Variants in DNAI3 observed in about 807,000 individuals in gnomAD.
DNAI3 encodes WD repeat domain 63.
A neutral mutation model predicts 115.5 loss-of-function variants in DNAI3; 83 were observed. The observed-to-expected ratio is 0.72, with a 90% CI of 0.60 to 0.86. The LOEUF (loss-of-function observed/expected upper bound fraction) is 0.86. Among genes scored for constraint, DNAI3 ranks in the 40% least tolerant of loss-of-function variants. The pLI, the probability that DNAI3 is intolerant of heterozygous loss-of-function variation, is 0.00. For missense variants in DNAI3, 1,004 were observed against 1,075.8 expected (o/e 0.93, Z 0.93); for synonymous variants, 320 against 347.0 (o/e 0.92, Z 0.86).
At chr1:85,100,194 A>C (rs1257041382) in intron 13 of DNAI3, among the ~76,000 whole-genome samples, 2 of 152,188 alleles carry the variant, frequency 1.3e-5, no homozygotes, top group South Asian at 2.1e-4. Context: ...CAACCTACAA[A>C]ATGGGAGAAA....
intron 13 of DNAI3, among the ~76,000 whole-genome samples, chr1:85,099,131 A>T (rs976469331): frequency 4.6e-5 from 7 of 152,186 alleles, no homozygotes; most frequent in Non-Finnish European, 7.3e-5. Context: ...CTGACTGCCC[A>T]GCTTCTGCAC....
chr1:85,066,966 C>T (rs910649909), intron 1 of DNAI3, among the ~76,000 whole-genome samples: 7 of 152,164 alleles, frequency 4.6e-5, no homozygotes, highest in South Asian at 4.1e-4. Context: ...CATTTGGTTT[C>T]GATACCCCCA....
chr1:85,073,148 T>C lies in DNAI3; in HGVS notation c.103+56T>C, dbSNP rs967429460. 20 of 1,297,830 alleles carry C rather than the reference T, an allele frequency of 1.5e-5. No homozygotes were observed. The African/African-American group carries it at 2.7e-4, about 18-fold the overall frequency. The allele number at this position is 1,297,830 out of a possible 1,614,324, so 80.4% of individuals were successfully genotyped here. A position where few individuals can be genotyped will look rare whatever the true frequency, so the allele number is the denominator to read the frequency against. ...CCTCAGTTTTATAATATTTTAATAA[T>C]GCAATAAGCAAGCAGGAATACTACA... On this transcript the variant is annotated intron_variant, in intron 3 of 22. Coordinates refer to ENST00000294664, the MANE Select transcript of DNAI3 (RefSeq NM_145172.5).
intron 7 of DNAI3, among the ~76,000 whole-genome samples, chr1:85,087,856 T>C (rs1037614559): frequency 6.6e-6 from 1 of 152,168 alleles, no homozygotes; most frequent in Admixed American, 6.5e-5. Context: ...ATACAGAAGA[T>C]ACTTTTCAGA....
chr1:85,115,424 G>A (rs1655786705), intron 16 of DNAI3, among the ~76,000 whole-genome samples: 1 of 152,184 alleles, frequency 6.6e-6, no homozygotes, highest in Non-Finnish European at 1.5e-5. Context: ...TGAATGAAAT[G>A]GTTCCTATAA....
intron 1 of DNAI3, among the ~76,000 whole-genome samples, chr1:85,065,724 A>G (rs1054546127): frequency 7.2e-5 from 11 of 152,250 alleles, no homozygotes; most frequent in Non-Finnish European, 1.0e-4. Context: ...AAGTGGCTCC[A>G]TGCTGATTCT....
In DNAI3 at chr1:85,126,457, C is replaced by A. The variant is rs561902759; in HGVS notation, c.2113-54C>A. 3.0e-4 allele frequency: 454 copies of A among 1,534,572 alleles called. 5 individuals carry two copies. In the South Asian group the frequency reaches 4.5e-3, roughly 15 times the overall value. On this transcript the variant is annotated intron_variant, in intron 19 of 22. Coordinates refer to ENST00000294664, the MANE Select transcript of DNAI3 (RefSeq NM_145172.5). ...CTTAATGAACAGCATGGTGAATTTCCCTCAGATAATAACAAAATCTTCTTT... is the reference window on the plus strand; with the variant it reads ...CTTAATGAACAGCATGGTGAATTTCACTCAGATAATAACAAAATCTTCTTT...
chr1:85,094,114 C>A (rs1212808789), intron 9 of DNAI3: 6 of 418,356 alleles, frequency 1.4e-5, no homozygotes, highest in African/African-American at 1.2e-4. Context: ...CCTCTTTCTT[C>A]CTCCTTTCAC....
chr1:85,063,382 C>G (rs1653996418), intron 1 of DNAI3, among the ~76,000 whole-genome samples: 1 of 152,024 alleles, frequency 6.6e-6, no homozygotes, highest in Non-Finnish European at 1.5e-5. Flanking sequence ...GTGGGAAAGT[C>G]CTCGACTGTT....
chr1:85,092,440 C>A (rs2100579399), intron 8 of DNAI3, among the ~76,000 whole-genome samples: 1 of 151,930 alleles, frequency 6.6e-6, no homozygotes, highest in Non-Finnish European at 1.5e-5. Context: ...TTCAACTTAC[C>A]ACACCTATAT....
chr1:85,126,445 A>G (rs1161086081), intron 19 of DNAI3, 66 bp from the exon 20 acceptor site: 5 of 1,497,460 alleles, frequency 3.3e-6, no homozygotes, highest in Non-Finnish European at 4.5e-6. Context: ...AATGAACAGC[A>G]TGGTGAATTT....
At chr1:85,101,611 C>G (rs950897631) in intron 13 of DNAI3, among the ~76,000 whole-genome samples, 12 of 150,694 alleles carry the variant, frequency 8.0e-5, no homozygotes, top group Admixed American at 2.0e-4. Context: ...GCCTGTAGTC[C>G]CAGCTACTCC....
At chr1:85,126,207 G>T (rs1656127887) in intron 19 of DNAI3, among the ~76,000 whole-genome samples, 1 of 152,188 alleles carries the variant, frequency 6.6e-6, no homozygotes, top group South Asian at 2.1e-4. Flanking sequence ...AATTTCCACA[G>T]AAATAGTCGT....
At chr1:85,122,893 C>G (rs571406347) in intron 18 of DNAI3, among the ~76,000 whole-genome samples, 226 of 152,284 alleles carry the variant, frequency 1.5e-3, no homozygotes, top group Non-Finnish European at 2.1e-3. Context: ...CTGCAGCCAA[C>G]TCTCAGGGAG....
At chr1:85,093,179 C>T (rs1275383077) in intron 8 of DNAI3, among the ~76,000 whole-genome samples, 1 of 152,230 alleles carries the variant, frequency 6.6e-6, no homozygotes, top group African/African-American at 2.4e-5. Flanking sequence ...GCCATCCCTG[C>T]AGCTGCATGC....
intron 22 of DNAI3, 144 bp from the exon 23 acceptor site, chr1:85,132,711 G>A: frequency 1.1e-6 from 1 of 919,908 alleles, no homozygotes; most frequent in Non-Finnish European, 1.6e-6. Flanking sequence ...CTGCCCACCT[G>A]CCCTCCTGCC....
intron 8 of DNAI3, among the ~76,000 whole-genome samples, chr1:85,091,716 A>AG (rs1654980842): frequency 6.6e-6 from 1 of 152,194 alleles, no homozygotes; most frequent in Non-Finnish European, 1.5e-5. Context: ...GAGGAACTTC[A>AG]GGGGGATTCA....
At chr1:85,082,778 C>T (rs551341858) in intron 5 of DNAI3, among the ~76,000 whole-genome samples, 19 of 152,178 alleles carry the variant, frequency 1.2e-4, no homozygotes, top group African/African-American at 4.6e-4. Context: ...GGTTCTGGCA[C>T]CTAGAATATG....
At chr1:85,122,599 C>T (rs1372052074) in intron 18 of DNAI3, among the ~76,000 whole-genome samples, 1 of 152,156 alleles carries the variant, frequency 6.6e-6, no homozygotes, top group East Asian at 1.9e-4. Flanking sequence ...GACTGCTAGG[C>T]CCACAAAGGC....
Sources: allele counts gnomAD v4.1 joint callset (sites outside exome capture counted in the v4.1 genomes callset), GRCh38; gene constraint gnomAD v4.1.1; transcripts MANE v1.5; gene names NCBI Gene and HGNC (gene_info 2026-07-23, HGNC 2026-07-21).